The following FREM2 variants were observed in gnomAD, a reference collection of about 807,000 sequenced individuals.
FREM2 encodes FRAS1 related extracellular matrix 2.
In FREM2, 119 loss-of-function variants were observed where a neutral mutation model predicts 219.9. The ratio of observed to expected loss-of-function variants is 0.54; its 90% CI spans 0.47 to 0.63. The LOEUF is 0.63. Among genes scored for constraint, FREM2 ranks in the 30% least tolerant of loss-of-function variants. FREM2 has a pLI of 0.00. For synonymous variants in FREM2, 1,562 were observed against 1,522.8 expected (o/e 1.03, Z -0.60); for missense variants, 4,030 against 3,993.6 (o/e 1.01, Z -0.25).
chr13:38,687,208 C>G lies in FREM2; in HGVS notation c.-137C>G. ...CGCGCAACTTTGCCATCCTTCTGGC[C>G]CAGCCCCGGCTACAGGAGGACCCCG... On this transcript the variant is annotated 5_prime_UTR_variant, in exon 1 of 24. Transcript: ENST00000280481. 3.1e-6 allele frequency: 4 copies of G among 1,275,342 alleles called. No homozygotes were observed. Among genetic ancestry groups the G allele is most frequent in the Non-Finnish European group, 4.4e-6 (4 of 909,576 alleles). The allele number at this position is 1,275,342 out of a possible 1,614,324, so 79.0% of individuals were successfully genotyped here.
At chr13:38,713,993 A>G (rs554347000) in intron 2 of FREM2, among the ~76,000 whole-genome samples, 43 of 152,344 alleles carry the variant, frequency 2.8e-4, no homozygotes, top group South Asian at 6.2e-4. Context: ...TGGAGGCTAC[A>G]ATGACAATAA....
At position 38,826,385 on chromosome 13, in the gene FREM2, A is replaced by AT. The variant is rs200431728; in HGVS notation, c.6020-20179dup. ...GGCACCCCTGGCTTGCAGAACAATG[A>AT]TTTTTTTTTCCACGTACAACAACGC... On this transcript the variant is annotated intron_variant, in intron 6 of 23. Coordinates refer to ENST00000280481, the MANE Select transcript of FREM2 (RefSeq NM_207361.6). Among the ~76,000 whole-genome samples, 306 of 151,768 alleles carry AT rather than the reference A, an allele frequency of 2.0e-3. 6 individuals carry two copies. In the East Asian group the frequency reaches 0.048, roughly 24 times the overall value.
intron 2 of FREM2, among the ~76,000 whole-genome samples, chr13:38,764,073 T>G (rs1011459670): frequency 6.6e-6 from 1 of 152,058 alleles, no homozygotes; most frequent in Non-Finnish European, 1.5e-5. Context: ...ATTACCTACT[T>G]CCCCTCCTAA....
At chr13:38,807,009 T>C (rs1225422505) in intron 6 of FREM2, among the ~76,000 whole-genome samples, 1 of 150,958 alleles carries the variant, frequency 6.6e-6, no homozygotes, top group Non-Finnish European at 1.5e-5. Flanking sequence ...AAGATTGCAG[T>C]GATTGAGTCA....
In FREM2 at chr13:38,690,127, C is replaced by T. The variant is rs768942537; in HGVS notation, c.2783C>T (p.Thr928Ile). The change falls in exon 1 of 24, where the codon ACT (threonine) becomes ATT (isoleucine). Residue 928 changes from threonine to isoleucine, a missense_variant. Thr to Ile is a moderately conservative substitution (Grantham distance 89). Coordinates refer to ENST00000280481, the MANE Select transcript of FREM2 (RefSeq NM_207361.6). ...GACAGACATCATGTGGTGCCCATCA[C>T]TCTCAGAGTAAATGTCCGGCCAGTG... is the stretch of plus-strand genomic sequence containing the variant. ...VSDRHHVVPI[T>I]LRVNVRPVDD... The T allele has an allele frequency of 1.2e-6, 2 of 1,614,184 alleles. No individual in the cohort carries two copies. Among genetic ancestry groups the T allele is most frequent in the Non-Finnish European group, 1.7e-6 (2 of 1,180,038 alleles).
intron 6 of FREM2, among the ~76,000 whole-genome samples, chr13:38,818,049 T>C (rs1875837568): frequency 6.6e-6 from 1 of 152,076 alleles, no homozygotes; most frequent in South Asian, 2.1e-4. Flanking sequence ...TTGGTGAGAA[T>C]GTGGAGAAAA....
At chr13:38,863,076 G>A (rs188654896) in intron 15 of FREM2, among the ~76,000 whole-genome samples, 158 of 152,074 alleles carry the variant, frequency 1.0e-3, no homozygotes, top group African/African-American at 3.7e-3. Context: ...TTGAGGCAGA[G>A]TCTCACTCTG....
chr13:38,730,888 A>G (rs896618177), intron 2 of FREM2, among the ~76,000 whole-genome samples: 2 of 151,836 alleles, frequency 1.3e-5, no homozygotes, highest in Non-Finnish European at 2.9e-5. Context: ...ACCTACACCA[A>G]AAGGGCGATA....
At chr13:38,789,432 A>G (rs1593409087) in intron 6 of FREM2, among the ~76,000 whole-genome samples, 1 of 151,428 alleles carries the variant, frequency 6.6e-6, no homozygotes, top group African/African-American at 2.4e-5. Context: ...ATTACTAATA[A>G]TGTTCTTCTA....
Position 38,769,744 on chromosome 13 carries a change from G to A in FREM2, c.5577G>A (p.Glu1859=). The change falls in exon 4 of 24, where the codon GAG becomes GAA. Residue 1859 remains glutamate, a synonymous_variant. Transcript: ENST00000280481. The part of the protein sequence containing the change: ...QSETFQVVLS[E]PVLAALEFPT... ...AAACCTTTCAGGTGGTACTCTCAGAGCCCGTGCTGGCTGCCTTGGAATTCC... is the reference window on the plus strand; with the variant it reads ...AAACCTTTCAGGTGGTACTCTCAGAACCCGTGCTGGCTGCCTTGGAATTCC... 1.9e-6 allele frequency: 3 copies of A among 1,614,142 alleles called. No homozygotes were observed. Among genetic ancestry groups the A allele is most frequent in the East Asian group, 2.2e-5 (1 of 44,872 alleles).
chr13:38,764,822 T>C (rs1873370722), intron 3 of FREM2, among the ~76,000 whole-genome samples: 1 of 152,264 alleles, frequency 6.6e-6, no homozygotes, highest in African/African-American at 2.4e-5. Context: ...TAAATACTAA[T>C]GATTTTCTTC....
chr13:38,858,785 A>G (rs1877652884), intron 13 of FREM2, among the ~76,000 whole-genome samples: 2 of 152,138 alleles, frequency 1.3e-5, no homozygotes, highest in Non-Finnish European at 2.9e-5. Flanking sequence ...GAGTTCTCAC[A>G]TGGAAGAATG....
At chr13:38,693,068 T>TTTTTTTAAATTTTTAAATTTTAAATTTTA (rs1869962469) in intron 1 of FREM2, among the ~76,000 whole-genome samples, 1 of 152,218 alleles carries the variant, frequency 6.6e-6, no homozygotes, top group Non-Finnish European at 1.5e-5. Context: ...TTTACTTTGT[T>TTTTTTTAAATTTTTAAATTTTAAATTTTA]GATTTTTAAA....
At chr13:38,696,367 T>C (rs1434076491) in intron 1 of FREM2, among the ~76,000 whole-genome samples, 1 of 152,236 alleles carries the variant, frequency 6.6e-6, no homozygotes, top group Non-Finnish European at 1.5e-5. Flanking sequence ...TGGTCCATCC[T>C]AATGCCTTGC....
chr13:38,713,001 A>T (rs1310630931), intron 2 of FREM2, among the ~76,000 whole-genome samples: 1 of 151,964 alleles, frequency 6.6e-6, no homozygotes, highest in Admixed American at 6.6e-5. Context: ...CTCCTCCCCC[A>T]TCCTCTGTCC....
intron 4 of FREM2, among the ~76,000 whole-genome samples, chr13:38,780,066 C>T (rs1352057725): frequency 6.6e-6 from 1 of 152,138 alleles, no homozygotes; most frequent in Non-Finnish European, 1.5e-5. Context: ...CGTGGCTCTA[C>T]ATACCATCAA....
intron 3 of FREM2, among the ~76,000 whole-genome samples, chr13:38,768,477 A>C (rs774438443): frequency 6.6e-6 from 1 of 151,898 alleles, no homozygotes; most frequent in Non-Finnish European, 1.5e-5. Flanking sequence ...GGGTTTCACC[A>C]TGTTTCCCAG....
At chr13:38,721,659 T>A (rs1041436879) in intron 2 of FREM2, among the ~76,000 whole-genome samples, 4 of 152,208 alleles carry the variant, frequency 2.6e-5, no homozygotes, top group African/African-American at 9.7e-5. Flanking sequence ...ATACTCAAGC[T>A]ATTTCACAGT....
chr13:38,703,107 A>G (rs905219974), intron 2 of FREM2, among the ~76,000 whole-genome samples: 2 of 152,284 alleles, frequency 1.3e-5, no homozygotes, highest in African/African-American at 4.8e-5. Context: ...GACTACCGGA[A>G]GCCTTTCATT....
Sources: allele counts gnomAD v4.1 joint callset (sites outside exome capture counted in the v4.1 genomes callset), GRCh38; gene constraint gnomAD v4.1.1; transcripts MANE v1.5; gene names NCBI Gene and HGNC (gene_info 2026-07-23, HGNC 2026-07-21).